Variants in RABEP1 observed in about 807,000 individuals in gnomAD.
RABEP1 encodes rab GTPase-binding effector protein 1.
RABEP1 carries 51 observed loss-of-function variants against 123.4 expected under a neutral mutation model. The ratio of observed to expected loss-of-function variants is 0.41; its 90% CI spans 0.33 to 0.52. RABEP1 has a LOEUF of 0.52. Ranked by LOEUF, RABEP1 falls within the 20% of genes least tolerant of loss-of-function variation. The probability of loss-of-function intolerance (pLI) is 0.16; values close to 1 mark genes in which losing one functional copy is unlikely to be tolerated. For missense variants in RABEP1, 888 were observed against 996.3 expected, an observed-to-expected ratio of 0.89 and a Z score of 1.46; for synonymous variants, 347 against 355.2, an observed-to-expected ratio of 0.98 and a Z score of 0.26.
intron 2 of RABEP1, among the ~76,000 whole-genome samples, chr17:5,314,149 G>A (rs1243812570): frequency 6.6e-6 from 1 of 150,778 alleles, no homozygotes; most frequent in East Asian, 2.0e-4. Context: ...CTTGTTTGGA[G>A]AATAGCTGAA....
At chr17:5,355,543 T>A (rs969037590) in intron 8 of RABEP1, among the ~76,000 whole-genome samples, 6 of 152,220 alleles carry the variant, frequency 3.9e-5, no homozygotes, top group Admixed American at 3.9e-4. Flanking sequence ...TTCATGCTCA[T>A]GTGGCCTGTC....
At chr17:5,378,814 C>G (rs1196719054) in intron 15 of RABEP1, 1 of 160,514 alleles carries the variant, frequency 6.2e-6, no homozygotes, top group Non-Finnish European at 1.3e-5. Context: ...ACCTCCAGTT[C>G]TCTGAACTTC....
intron 3 of RABEP1, among the ~76,000 whole-genome samples, chr17:5,334,119 C>T (rs937670183): frequency 4.0e-5 from 6 of 151,098 alleles, no homozygotes; most frequent in African/African-American, 1.5e-4. Context: ...CTGCAACCTC[C>T]GCCTCCTGGG....
At chr17:5,352,395 G>A (rs1415142817) in intron 7 of RABEP1, among the ~76,000 whole-genome samples, 5 of 151,370 alleles carry the variant, frequency 3.3e-5, no homozygotes, top group African/African-American at 7.3e-5. Context: ...GTTTCACTAC[G>A]TTGCCCAGGC....
intron 11 of RABEP1, 79 bp downstream of exon 11, chr17:5,365,317 GTT>G: frequency 1.1e-6 from 1 of 937,854 alleles, no homozygotes; most frequent in Non-Finnish European, 1.5e-6. Context: ...ATATAGTCAT[GTT>G]TTTTTTTGCC....
intron 12 of RABEP1, among the ~76,000 whole-genome samples, 168 bp from the exon 13 acceptor site, chr17:5,373,146 G>C (rs1910657012): frequency 6.6e-6 from 1 of 152,124 alleles, no homozygotes; most frequent in African/African-American, 2.4e-5. Flanking sequence ...TTGAATATAT[G>C]CTGTAAACCA....
chr17:5,302,598 T>C (rs2075145727), intron 1 of RABEP1, among the ~76,000 whole-genome samples: 1 of 148,938 alleles, frequency 6.7e-6, no homozygotes, highest in Non-Finnish European at 1.5e-5. Context: ...AGACTTTTTT[T>C]TTTTTTTTTT....
At chr17:5,369,649 C>T (rs1328612934) in intron 12 of RABEP1, among the ~76,000 whole-genome samples, 4 of 151,858 alleles carry the variant, frequency 2.6e-5, no homozygotes, top group Non-Finnish European at 5.9e-5. Context: ...AGTTTCATAG[C>T]GGTGAGCCTC....
chr17:5,318,241 T>C (rs2075317761), intron 2 of RABEP1, among the ~76,000 whole-genome samples: 2 of 152,190 alleles, frequency 1.3e-5, no homozygotes, highest in South Asian at 2.1e-4. Flanking sequence ...TCAGTCTTCT[T>C]AGACTGAATT....
chr17:5,288,980 A>G (rs1282287102), intron 1 of RABEP1, among the ~76,000 whole-genome samples: 1 of 152,184 alleles, frequency 6.6e-6, no homozygotes, highest in African/African-American at 2.4e-5. Flanking sequence ...TGCTGGGATT[A>G]TAGGAGTGAG....
chr17:5,382,995 C>G, intron 17 of RABEP1, 127 bp from the exon 18 acceptor site: 1 of 707,422 alleles, frequency 1.4e-6, no homozygotes, highest in Non-Finnish European at 2.5e-6. Context: ...TTTAATTGTT[C>G]TTGCTGTCTC....
At chr17:5,325,425 G>A (rs1203259429) in intron 2 of RABEP1, among the ~76,000 whole-genome samples, 3 of 152,092 alleles carry the variant, frequency 2.0e-5, no homozygotes, top group African/African-American at 7.2e-5. Context: ...AATAAGCCAA[G>A]CACTGAAAGA....
intron 8 of RABEP1, among the ~76,000 whole-genome samples, chr17:5,355,087 T>C (rs143714796): frequency 0.017 from 2,562 of 152,326 alleles, 34 homozygotes; most frequent in Middle Eastern, 0.051. Flanking sequence ...CCCATTCCAC[T>C]GCGTCCTCAG....
chr17:5,362,653 C>T (rs1909654330), intron 9 of RABEP1, among the ~76,000 whole-genome samples: 3 of 152,116 alleles, frequency 2.0e-5, no homozygotes. Flanking sequence ...GTACCTTTTG[C>T]TTGCTTTGTG....
At position 5,383,817 on chromosome 17, in the gene RABEP1, AGGACTGTG is replaced by A. The variant is rs1290878958; in HGVS notation, c.*596_*603del. On this transcript the variant is annotated 3_prime_UTR_variant, in exon 18 of 18. Coordinates refer to ENST00000537505, the MANE Select transcript of RABEP1 (RefSeq NM_004703.6). ...CTACTGAAACTTACCTGAGAACCAT[AGGACTGTG>A]GCAAACAAAACCAATTCATGAAGTG... 1.3e-5 allele frequency: 3 copies of A among 224,572 alleles called. No individual in the cohort carries two copies. Among genetic ancestry groups the A allele is most frequent in the African/African-American group, 6.7e-5 (3 of 44,754 alleles). 13.9% of individuals were successfully genotyped at this position (224,572 alleles called of 1,614,324 possible). A position where few individuals can be genotyped will look rare whatever the true frequency, so the allele number is the denominator to read the frequency against.
chr17:5,385,134 G>C lies in RABEP1; in HGVS notation c.*1911G>C, dbSNP rs1911841182. 4.4e-6 allele frequency: 1 copy of C among 229,456 alleles called. No homozygotes were observed. Among genetic ancestry groups the C allele is most frequent in the African/African-American group, 2.2e-5 (1 of 45,156 alleles). 14.2% of individuals were successfully genotyped at this position (229,456 alleles called of 1,614,324 possible). On this transcript the variant is annotated 3_prime_UTR_variant, in exon 18 of 18. Coordinates refer to ENST00000537505, the MANE Select transcript of RABEP1 (RefSeq NM_004703.6). ...CTACTGTGGCAAATGCCAACTGTTG[G>C]AATTCACTTTATTGTAGAAAAACCC... is the stretch of plus-strand genomic sequence containing the variant.
intron 4 of RABEP1, among the ~76,000 whole-genome samples, chr17:5,336,936 C>T (rs1297926020): frequency 6.6e-6 from 1 of 152,166 alleles, no homozygotes; most frequent in Non-Finnish European, 1.5e-5. Context: ...ATATTTTTCC[C>T]TATCGTGCAC....
At chr17:5,336,731 T>TA (rs1158456758) in intron 4 of RABEP1, 2 of 245,104 alleles carry the variant, frequency 8.2e-6, no homozygotes, top group African/African-American at 4.7e-5. Flanking sequence ...TGTTGTTTTT[T>TA]ATCAGATGAC....
chr17:5,285,494 G>A (rs930722579), intron 1 of RABEP1, among the ~76,000 whole-genome samples: 1 of 151,786 alleles, frequency 6.6e-6, no homozygotes, highest in East Asian at 1.9e-4. Flanking sequence ...TTTCCTGTTA[G>A]TTACACAGAC....
Sources: gnomAD v4.1 joint callset for allele counts (sites outside exome capture counted in the v4.1 genomes callset) on GRCh38, gnomAD v4.1.1 for gene constraint, MANE v1.5 for transcripts, NCBI Gene and HGNC (gene_info 2026-07-23, HGNC 2026-07-21) for gene names.